NKAIN2: variants seen among roughly 807,000 people sequenced by gnomAD.
The protein encoded by NKAIN2 is sodium/potassium-transporting ATPase subunit beta-1-interacting protein 2.
In NKAIN2, 14 loss-of-function variants were observed where a neutral mutation model predicts 32.6. The observed-to-expected ratio is 0.43, with a 90% confidence interval of 0.28 to 0.67. NKAIN2 has a LOEUF of 0.67. NKAIN2 is among the 30% of genes least tolerant of loss of function. The pLI is 0.17. For missense variants in NKAIN2, 198 were observed against 258.3 expected (o/e 0.77, Z 1.60); for synonymous variants, 80 against 87.2 (o/e 0.92, Z 0.46).
intron 1 of NKAIN2, among the ~76,000 whole-genome samples, chr6:124,279,825 A>G (rs913002308): frequency 4.6e-5 from 7 of 152,202 alleles, no homozygotes; most frequent in Non-Finnish European, 8.8e-5. Context: ...TATAAAAGAA[A>G]AAAAATAATG....
intron 5 of NKAIN2, among the ~76,000 whole-genome samples, chr6:124,817,544 A>G (rs762354375): frequency 6.6e-6 from 1 of 152,148 alleles, no homozygotes; most frequent in Non-Finnish European, 1.5e-5. Flanking sequence ...GCAAGATAAA[A>G]GTGCATGACA....
chr6:124,013,557 A>G (rs1780432281), intron 1 of NKAIN2, among the ~76,000 whole-genome samples: 1 of 152,230 alleles, frequency 6.6e-6, no homozygotes, highest in Admixed American at 6.5e-5. Context: ...TGTAAAGACC[A>G]TATTTATAAT....
intron 3 of NKAIN2, among the ~76,000 whole-genome samples, chr6:124,508,462 AG>A (rs1439629979): frequency 1.3e-5 from 2 of 151,418 alleles, no homozygotes; most frequent in Non-Finnish European, 2.9e-5. Flanking sequence ...CTCCTGCCTC[AG>A]CCTCCCTAGT....
chr6:124,189,750 G>C (rs1384390414), intron 1 of NKAIN2, among the ~76,000 whole-genome samples: 1 of 152,040 alleles, frequency 6.6e-6, no homozygotes, highest in African/African-American at 2.4e-5. Flanking sequence ...ATTAATAATG[G>C]CACAATGCCA....
intron 3 of NKAIN2, among the ~76,000 whole-genome samples, chr6:124,557,772 T>C (rs1240317297): frequency 6.6e-6 from 1 of 152,210 alleles, no homozygotes; most frequent in East Asian, 1.9e-4. Context: ...CATTGTTCTT[T>C]CCTGTACAAT....
At position 123,866,547 on chromosome 6, in the gene NKAIN2, C is replaced by A. The variant is rs113658486; in HGVS notation, c.54+62293C>A. 7.7e-3 allele frequency among the ~76,000 whole-genome samples: 1,180 copies of A among 152,278 alleles called. 11 individuals carry two copies. Among genetic ancestry groups the A allele is most frequent in the African/African-American group, 0.027 (1,106 of 41,556 alleles). ...CTGGATTCAAGCCATTCTACTGCCT[C>A]AGCCTCCCGAGTAGCTGGGACTACA... On this transcript the variant is annotated intron_variant, in intron 1 of 6. Transcript: ENST00000368417.
intron 3 of NKAIN2, among the ~76,000 whole-genome samples, chr6:124,510,997 A>G (rs1255185401): frequency 2.6e-5 from 4 of 152,174 alleles, no homozygotes; most frequent in Non-Finnish European, 5.9e-5. Flanking sequence ...GTGTTATTGG[A>G]AGACCTGGAA....
intron 4 of NKAIN2, among the ~76,000 whole-genome samples, chr6:124,754,448 C>T (rs1777867176): frequency 8.6e-6 from 1 of 115,772 alleles, no homozygotes. Flanking sequence ...CATAAAAAAG[C>T]AGGCAAACGA....
intron 3 of NKAIN2, among the ~76,000 whole-genome samples, chr6:124,369,497 C>T (rs538202501): frequency 6.6e-6 from 1 of 152,090 alleles, no homozygotes; most frequent in African/African-American, 2.4e-5. Flanking sequence ...TGTGGCCCAA[C>T]ACACATTTGT....
At chr6:124,618,638 A>C (rs1259457137) in intron 3 of NKAIN2, among the ~76,000 whole-genome samples, 4 of 152,206 alleles carry the variant, frequency 2.6e-5, no homozygotes, top group Non-Finnish European at 4.4e-5. Flanking sequence ...AATCCTCTTA[A>C]TGATGGACCT....
intron 4 of NKAIN2, among the ~76,000 whole-genome samples, chr6:124,688,277 C>T (rs1774086407): frequency 6.6e-6 from 1 of 151,922 alleles, no homozygotes; most frequent in South Asian, 2.1e-4. Context: ...TCTTTTTGAG[C>T]CATTCCTTTT....
intron 1 of NKAIN2, among the ~76,000 whole-genome samples, chr6:124,235,810 G>T (rs1019220671): frequency 4.6e-5 from 7 of 152,028 alleles, no homozygotes; most frequent in African/African-American, 1.7e-4. Flanking sequence ...TGTTGGCCAG[G>T]CTGTTCTCAA....
intron 3 of NKAIN2, among the ~76,000 whole-genome samples, chr6:124,579,369 G>A (rs1781443447): frequency 6.6e-6 from 1 of 152,120 alleles, no homozygotes; most frequent in Non-Finnish European, 1.5e-5. Flanking sequence ...CACAAAGAAG[G>A]AATTAAGAAT....
At chr6:124,022,166 T>TA (rs1780897660) in intron 1 of NKAIN2, among the ~76,000 whole-genome samples, 1 of 151,970 alleles carries the variant, frequency 6.6e-6, no homozygotes, top group Admixed American at 6.6e-5. Flanking sequence ...GTCCTTGAGA[T>TA]AGTTTGCTCA....
Position 124,151,826 on chromosome 6 carries a change from A to G in NKAIN2, c.55-131179A>G, listed in dbSNP as rs537286272. Among the ~76,000 whole-genome samples the G allele has an allele frequency of 1.3e-4, 20 of 152,022 alleles. No homozygotes were observed. In the East Asian group the frequency reaches 3.7e-3, roughly 28 times the overall value. ...TGAAGTACTTGTACAAAATTTACTAACTTTTTAAATAAGGTTGACTACATA... is the reference window on the plus strand; with the variant it reads ...TGAAGTACTTGTACAAAATTTACTAGCTTTTTAAATAAGGTTGACTACATA... On this transcript the variant is annotated intron_variant, in intron 1 of 6. Transcript: ENST00000368417.
intron 4 of NKAIN2, among the ~76,000 whole-genome samples, chr6:124,728,923 C>T (rs1256092649): frequency 2.0e-5 from 3 of 150,410 alleles, no homozygotes; most frequent in Non-Finnish European, 3.0e-5. Context: ...GAGAATACTA[C>T]AAACACCTCT....
intron 1 of NKAIN2, among the ~76,000 whole-genome samples, chr6:123,841,278 G>A (rs1170403170): frequency 6.6e-6 from 1 of 152,136 alleles, no homozygotes; most frequent in African/African-American, 2.4e-5. Context: ...CTGCTAACAA[G>A]TACTTGAGAT....
At chr6:124,808,478 G>A (rs575081701) in intron 5 of NKAIN2, among the ~76,000 whole-genome samples, 9 of 152,222 alleles carry the variant, frequency 5.9e-5, no homozygotes, top group Admixed American at 1.3e-4. Flanking sequence ...TTGATGGGAC[G>A]TATCTCAAAA....
intron 3 of NKAIN2, among the ~76,000 whole-genome samples, chr6:124,398,898 T>C (rs1365450312): frequency 6.6e-6 from 1 of 152,180 alleles, no homozygotes; most frequent in African/African-American, 2.4e-5. Context: ...TTCTGAAAAA[T>C]GTCAACAGCA....
Sources: allele counts gnomAD v4.1 joint callset (sites outside exome capture counted in the v4.1 genomes callset), GRCh38; gene constraint gnomAD v4.1.1; transcripts MANE v1.5; gene names NCBI Gene and HGNC (gene_info 2026-07-23, HGNC 2026-07-21).